Variants in KPNA7 observed in about 807,000 individuals in gnomAD.
KPNA7 encodes the protein karyopherin subunit alpha 7.
Under a neutral mutation model 53.7 loss-of-function variants are expected in KPNA7, and 54 were observed. The ratio of observed to expected loss-of-function variants is 1.01; its 90% CI spans 0.81 to 1.26. The LOEUF (loss-of-function observed/expected upper bound fraction) is 1.26. KPNA7 is among the 50% of genes most tolerant of loss of function. The pLI, the probability that KPNA7 is intolerant of heterozygous loss-of-function variation, is 0.00. For synonymous variants in KPNA7, 276 were observed against 259.3 expected (o/e 1.06, Z -0.62); for missense variants, 640 against 644.5 (o/e 0.99, Z 0.07).
chr7:99,164,421 A>T, the KPNA7 span, among the ~76,000 whole-genome samples: 1 of 151,912 alleles, frequency 6.6e-6, no homozygotes, highest in Non-Finnish European at 1.5e-5. Context: ...TCTCACTCAT[A>T]GGTGGGAATT....
Position 99,201,959 on chromosome 7 carries a change from C to T in KPNA7, c.201+1147G>A, listed in dbSNP as rs144608861. Among the ~76,000 whole-genome samples the T allele has an allele frequency of 5.4e-3, 821 of 152,180 alleles. 5 individuals are homozygous for T. The highest frequency in any genetic ancestry group is 0.019 in the African/African-American group (799 of 41,544). Reference sequence around the variant, plus strand: ...CTGACCTCAGGTGATCCACCCACCTCGGCCTCCCAAAGTGCTAGGACTACA... The same window carrying T: ...CTGACCTCAGGTGATCCACCCACCTTGGCCTCCCAAAGTGCTAGGACTACA... On this transcript the variant is annotated intron_variant, in intron 3 of 10. Coordinates refer to ENST00000327442, the MANE Select transcript of KPNA7 (RefSeq NM_001145715.3).
At chr7:99,167,149 C>G in the KPNA7 span, among the ~76,000 whole-genome samples, 1 of 152,228 alleles carries the variant, frequency 6.6e-6, no homozygotes, top group East Asian at 1.9e-4. Context: ...AGCCACGGAG[C>G]CTGCTGTTCA....
Position 99,187,808 on chromosome 7 carries a change from A to ATT in KPNA7, c.900+491_900+492insAA, listed in dbSNP as rs1563075121. 6.3e-4 allele frequency among the ~76,000 whole-genome samples: 22 copies of ATT among 34,910 alleles called. 1 individual carries two copies. In the East Asian group the frequency reaches 7.0e-3, roughly 11 times the overall value. 22.9% of individuals were successfully genotyped at this position (34,910 alleles called of 152,430 possible). The stretch of plus-strand genomic sequence containing the variant: ...GCCCGGCCTTTTTTTTTAAAAAAAA[A>ATT]AAAAAAAAAAAAAAAAAAAAAAAAA... On this transcript the variant is annotated intron_variant, in intron 7 of 10. Transcript: ENST00000327442.
chr7:99,190,813 T>C (rs754107618), intron 6 of KPNA7, among the ~76,000 whole-genome samples: 2 of 151,378 alleles, frequency 1.3e-5, no homozygotes, highest in Non-Finnish European at 2.9e-5. Context: ...ATGCCCAGCT[T>C]GATAAAACTA....
intron 8 of KPNA7, among the ~76,000 whole-genome samples, chr7:99,183,656 G>C (rs1789402688): frequency 6.6e-6 from 1 of 151,960 alleles, no homozygotes; most frequent in African/African-American, 2.4e-5. Flanking sequence ...CTGAGAACAG[G>C]AACACCGCCA....
rs1478431074 is a variant in KPNA7 at position 99,185,079 on chromosome 7, G to A, written c.984C>T (p.Asn328=). ...TGTGTTGCAGGAGCTGGGGGAGCAC[G>A]TTCAGCATACCCGCATCAATGGCCA... ...TQMAIDAGML[N]VLPQLLQHNK... The change falls in exon 8 of 11, where the codon AAC becomes AAT. Residue 328 remains asparagine (N), a synonymous_variant. Coordinates refer to ENST00000327442, the MANE Select transcript of KPNA7 (RefSeq NM_001145715.3). The A allele has an allele frequency of 1.2e-5, 19 of 1,551,930 alleles. No homozygotes were observed. The highest frequency in any genetic ancestry group is 9.8e-5 in the East Asian group (4 of 40,916).
rs1029135576 is a variant in KPNA7 at position 99,194,993 on chromosome 7, C to A, written c.553+77G>T. On this transcript the variant is annotated intron_variant, in intron 5 of 10. Coordinates refer to ENST00000327442, the MANE Select transcript of KPNA7 (RefSeq NM_001145715.3). ...AAGTGTTCTGGGACATCGAGTATAC[C>A]CCACCACCCAAAGAAACCTTATAGT... 2.7e-6 allele frequency: 4 copies of A among 1,462,818 alleles called. 1 individual carries two copies. The highest frequency in any genetic ancestry group is 2.7e-5 in the South Asian group (2 of 74,508). 90.6% of individuals were successfully genotyped at this position (1,462,818 alleles called of 1,614,324 possible).
At chr7:99,203,806 G>T (rs1225382080) in intron 2 of KPNA7, among the ~76,000 whole-genome samples, 2 of 152,050 alleles carry the variant, frequency 1.3e-5, no homozygotes, top group Non-Finnish European at 2.9e-5. Flanking sequence ...TGCCTCTGGG[G>T]TTCAAGCCAT....
At chr7:99,207,272 A>T in intron 2 of KPNA7, 129 bp downstream of exon 2, 1 of 736,810 alleles carries the variant, frequency 1.4e-6, no homozygotes, top group Non-Finnish European at 2.4e-6. Flanking sequence ...TGACCTTGTG[A>T]TCTGCCCGTC....
In KPNA7 at chr7:99,198,396, C is replaced by A. The variant is rs116441211; in HGVS notation, c.202-2230G>T. ...CAACAAAATAGGAGGAAACCAAATG[C>A]CTAAACGTATGAAACATATGGTCAA... On this transcript the variant is annotated intron_variant, in intron 3 of 10. Transcript: ENST00000327442. Among the ~76,000 whole-genome samples, 817 of 151,902 alleles carry A rather than the reference C, an allele frequency of 5.4e-3. 5 individuals are homozygous for A. Among genetic ancestry groups the A allele is most frequent in the African/African-American group, 0.019 (798 of 41,404 alleles).
In KPNA7 at chr7:99,173,729, A is replaced by G. The variant is rs537532950; in HGVS notation, c.1530T>C (p.Tyr510=). ...TTGGCTATTTTTTTGCTAAGCATTC[A>G]TAATCTATAAATTCATAATCTTGGT... ...VIDQDYEFID[Y]ECLAKK The change falls in exon 11 of 11, where the codon TAT becomes TAC. Residue 510 remains tyrosine, a synonymous_variant. Transcript: ENST00000327442. 1.9e-6 allele frequency: 3 copies of G among 1,551,462 alleles called. No individual in the cohort carries two copies. Among genetic ancestry groups the G allele is most frequent in the African/African-American group, 2.7e-5 (2 of 73,146 alleles).
intron 9 of KPNA7, among the ~76,000 whole-genome samples, chr7:99,178,292 G>A (rs1414763760): frequency 1.3e-5 from 2 of 152,080 alleles, no homozygotes; most frequent in African/African-American, 2.4e-5. Flanking sequence ...ATATAGGGCC[G>A]GGCGCAGTGT....
intron 10 of KPNA7, among the ~76,000 whole-genome samples, chr7:99,176,312 AGAAAGAAAGAAAG>A (rs1165382558): frequency 1.7e-5 from 2 of 118,730 alleles, no homozygotes; most frequent in Admixed American, 9.3e-5. Flanking sequence ...AAAAAAAAAA[AGAAAGAAAGAAAG>A]AAAGAAAAGA....
At position 99,188,369 on chromosome 7, in the gene KPNA7, G is replaced by A. The variant is rs1344324258; in HGVS notation, c.831C>T (p.Gly277=). ...YLTDGSNKRI[G]QVVNTGVLPR... The stretch of plus-strand genomic sequence containing the variant: ...GCAGGACCCCCGTGTTAACCACTTG[G>A]CCGATGCGCTTGTTGGAGCCGTCGG... Residue 277 remains glycine, a synonymous_variant, in exon 7 of 11, where the codon GGC becomes GGT. Transcript: ENST00000327442. 6.4e-7 allele frequency: 1 copy of A among 1,551,430 alleles called. No individual in the cohort carries two copies. The highest frequency in any genetic ancestry group is 8.7e-7 in the Non-Finnish European group (1 of 1,146,976).
At chr7:99,161,673 G>A in the KPNA7 span, among the ~76,000 whole-genome samples, 1 of 152,096 alleles carries the variant, frequency 6.6e-6, no homozygotes, top group Non-Finnish European at 1.5e-5. Context: ...AAAGATGAAG[G>A]GCAAGTTGGC....
At chr7:99,187,799 T>TAAAAA (rs55867906) in intron 7 of KPNA7, among the ~76,000 whole-genome samples, 1 of 65,108 alleles carries the variant, frequency 1.5e-5, no homozygotes, top group African/African-American at 8.1e-5. Flanking sequence ...CCTTTTTTTT[T>TAAAAA]AAAAAAAAAA....
Position 99,188,466 on chromosome 7 carries a change from G to A in KPNA7, c.734C>T (p.Ala245Val), listed in dbSNP as rs944236325. 3.5e-5 allele frequency: 55 copies of A among 1,551,722 alleles called. No individual in the cohort carries two copies. The East Asian group carries it at 1.3e-3, about 38-fold the overall frequency. ...CTGGTGCTGCAGGAGGTGAAGGAGGGCCGGCAGTATCTGCTTCACCGCAGT... is the reference window on the plus strand; with the variant it reads ...CTGGTGCTGCAGGAGGTGAAGGAGGACCGGCAGTATCTGCTTCACCGCAGT... ...CDTAVKQILP[A>V]LLHLLQHQDS... The change falls in exon 7 of 11, where the codon GCC becomes GTC. Residue 245 changes from alanine (A) to valine (V), a missense_variant. Transcript: ENST00000327442.
chr7:99,165,048 G>A, the KPNA7 span, among the ~76,000 whole-genome samples: 1 of 152,226 alleles, frequency 6.6e-6, no homozygotes, highest in African/African-American at 2.4e-5. Flanking sequence ...GGCTGAGGCA[G>A]GAGGATCACT....
At chr7:99,177,077 C>T (rs754036230) in intron 10 of KPNA7, among the ~76,000 whole-genome samples, 13 of 152,126 alleles carry the variant, frequency 8.5e-5, no homozygotes, top group African/African-American at 3.1e-4. Context: ...TGCTACAACA[C>T]GGATGAATCT....
Sources: allele counts gnomAD v4.1 joint callset (sites outside exome capture counted in the v4.1 genomes callset), GRCh38; gene constraint gnomAD v4.1.1; transcripts MANE v1.5; gene names NCBI Gene and HGNC (gene_info 2026-07-23, HGNC 2026-07-21).